Variants in CLEC16A observed in about 807,000 individuals in gnomAD.
The protein encoded by CLEC16A is protein CLEC16A.
A neutral mutation model predicts 109.5 loss-of-function variants in CLEC16A; 51 were observed. The observed-to-expected ratio is 0.47, with a 90% confidence interval of 0.37 to 0.59. CLEC16A has a LOEUF of 0.59. CLEC16A is among the 20% of genes least tolerant of loss of function. The pLI, the probability that CLEC16A is intolerant of heterozygous loss-of-function variation, is 0.00. For missense variants in CLEC16A, 1,339 were observed against 1,394.0 expected (o/e 0.96, Z 0.63); for synonymous variants, 673 against 564.2 (o/e 1.19, Z -2.73).
intron 3 of CLEC16A, among the ~76,000 whole-genome samples, chr16:10,964,804 G>A (rs1032139606): frequency 2.6e-5 from 4 of 152,166 alleles, no homozygotes; most frequent in Admixed American, 2.0e-4. Context: ...AAAAAAATGT[G>A]TACATTGTGA....
chr16:11,065,117 GACTC>G (rs2048693105), intron 19 of CLEC16A, among the ~76,000 whole-genome samples: 1 of 152,228 alleles, frequency 6.6e-6, no homozygotes, highest in African/African-American at 2.4e-5. Context: ...TAGGCTGTGA[GACTC>G]ACTCACTCCA....
chr16:11,092,016 A>G (rs17805769), intron 19 of CLEC16A, among the ~76,000 whole-genome samples: 74,471 of 151,860 alleles, frequency 0.49, 19,128 homozygotes, highest in African/African-American at 0.65. Context: ...CAGTGTGCAG[A>G]AGCCCTCCAT....
chr16:11,126,282 A>G, intron 22 of CLEC16A, 136 bp downstream of exon 22: 1 of 1,549,690 alleles, frequency 6.5e-7, no homozygotes, highest in South Asian at 1.2e-5. Flanking sequence ...GCTTCTTAGA[A>G]TTTGTCAAAG....
At chr16:10,992,024 G>A (rs1335587472) in intron 10 of CLEC16A, among the ~76,000 whole-genome samples, 1 of 152,200 alleles carries the variant, frequency 6.6e-6, no homozygotes, top group African/African-American at 2.4e-5. Context: ...AGCAGATCCT[G>A]GCTGGCCTGA....
At chr16:11,072,993 G>A (rs2049154744) in intron 19 of CLEC16A, among the ~76,000 whole-genome samples, 1 of 152,186 alleles carries the variant, frequency 6.6e-6, no homozygotes, top group Non-Finnish European at 1.5e-5. Flanking sequence ...ACCACAGGAT[G>A]GGGTGGGAAC....
At chr16:11,021,037 C>T (rs1434784891) in intron 12 of CLEC16A, among the ~76,000 whole-genome samples, 1 of 152,224 alleles carries the variant, frequency 6.6e-6, no homozygotes, top group Non-Finnish European at 1.5e-5. Flanking sequence ...GCACTACCTT[C>T]CTGTTCATAA....
chr16:11,041,104 G>T (rs1441023208), intron 14 of CLEC16A: 2 of 152,360 alleles, frequency 1.3e-5, no homozygotes, highest in East Asian at 3.9e-4. Flanking sequence ...TTCTAGGAGA[G>T]ATGCCAGATG....
chr16:11,168,636 C>G (rs567724272), intron 23 of CLEC16A, among the ~76,000 whole-genome samples: 19 of 152,246 alleles, frequency 1.2e-4, no homozygotes, highest in Non-Finnish European at 2.4e-4. Context: ...TCAGAGCCCA[C>G]AAGCTCCTCC....
chr16:11,020,365 G>A lies in CLEC16A; in HGVS notation c.1436+40G>A, dbSNP rs200984316. 5.7e-6 allele frequency: 9 copies of A among 1,565,268 alleles called. No individual in the cohort carries two copies. The African/African-American group carries it at 6.8e-5, about 12-fold the overall frequency. On this transcript the variant is annotated intron_variant, in intron 12 of 23. Transcript: ENST00000409790. ...GGTCGATGCTGAGTGCTCTCTCAGG[G>A]AAGAGGAGAGGGCTCAGTGGGGAGG...
At chr16:11,122,191 A>G (rs1231120808) in intron 20 of CLEC16A, among the ~76,000 whole-genome samples, 6 of 152,126 alleles carry the variant, frequency 3.9e-5, no homozygotes, top group Non-Finnish European at 5.9e-5. Flanking sequence ...CCACCCACAT[A>G]CTTGAAGCTA....
At chr16:10,945,768 CG>C (rs1206484559) in intron 1 of CLEC16A, among the ~76,000 whole-genome samples, 1 of 152,182 alleles carries the variant, frequency 6.6e-6, no homozygotes, top group Non-Finnish European at 1.5e-5. Context: ...CCCTACCTAA[CG>C]TGCTCCCCCC....
intron 11 of CLEC16A, among the ~76,000 whole-genome samples, chr16:11,008,127 C>T (rs749792848): frequency 3.3e-4 from 50 of 152,306 alleles, no homozygotes; most frequent in Non-Finnish European, 6.8e-4. Flanking sequence ...TGCTAAAAAG[C>T]CAGCCAATTA....
intron 19 of CLEC16A, among the ~76,000 whole-genome samples, chr16:11,061,514 G>A (rs1004893408): frequency 1.1e-4 from 16 of 152,186 alleles, no homozygotes; most frequent in Non-Finnish European, 1.3e-4. Context: ...TACTTGTTCC[G>A]CTGTGTAGTG....
chr16:11,103,838 G>T (rs569982641), intron 19 of CLEC16A, among the ~76,000 whole-genome samples: 1 of 152,356 alleles, frequency 6.6e-6, no homozygotes, highest in South Asian at 2.1e-4. Context: ...GTCTGAGGCA[G>T]TGATGAATGG....
intron 5 of CLEC16A, 124 bp downstream of exon 5, chr16:10,971,354 A>G: frequency 3.7e-6 from 3 of 816,656 alleles, no homozygotes; most frequent in Non-Finnish European, 5.6e-6. Flanking sequence ...GAGCCGTGGC[A>G]GCTTCTCTCA....
At chr16:11,065,249 A>G (rs1335064478) in intron 19 of CLEC16A, among the ~76,000 whole-genome samples, 2 of 152,200 alleles carry the variant, frequency 1.3e-5, no homozygotes, top group Non-Finnish European at 2.9e-5. Flanking sequence ...GAGCAACCAC[A>G]ATAGGGGAGA....
chr16:11,004,235 G>T (rs879679914), intron 11 of CLEC16A, among the ~76,000 whole-genome samples: 6 of 152,166 alleles, frequency 3.9e-5, no homozygotes, highest in Admixed American at 6.5e-5. Flanking sequence ...GGATTAAGCA[G>T]AATGGAACTG....
At chr16:11,162,244 G>A (rs1307871885) in intron 22 of CLEC16A, among the ~76,000 whole-genome samples, 1 of 152,242 alleles carries the variant, frequency 6.6e-6, no homozygotes, top group Admixed American at 6.5e-5. Context: ...CCTGGGAAGT[G>A]GGGGATGTGT....
chr16:11,175,912 A>T (rs1231989434), intron 23 of CLEC16A, among the ~76,000 whole-genome samples: 3 of 152,248 alleles, frequency 2.0e-5, no homozygotes, highest in Non-Finnish European at 4.4e-5. Flanking sequence ...AAAGAGAGAA[A>T]ACACTTACAT....
Sources: allele counts gnomAD v4.1 joint callset (sites outside exome capture counted in the v4.1 genomes callset), GRCh38; gene constraint gnomAD v4.1.1; transcripts MANE v1.5; gene names NCBI Gene and HGNC (gene_info 2026-07-23, HGNC 2026-07-21).